Variants in GART observed in about 807,000 individuals in gnomAD.
GART encodes the protein trifunctional purine biosynthetic protein adenosine-3.
In GART, 43 loss-of-function variants were observed where a neutral mutation model predicts 107.2. That is an observed-to-expected ratio of 0.40 (90% CI 0.31 to 0.52). GART has a LOEUF of 0.52. GART is among the 20% of genes least tolerant of loss of function. The probability of loss-of-function intolerance (pLI) is 0.52; values close to 1 mark genes in which losing one functional copy is unlikely to be tolerated. For synonymous variants in GART, 434 were observed against 427.0 expected, an observed-to-expected ratio of 1.02 and a Z score of -0.20; for missense variants, 1,107 against 1,206.5, an observed-to-expected ratio of 0.92 and a Z score of 1.22.
chr21:33,531,644 G>C lies in GART; in HGVS notation c.529-87C>G. On this transcript the variant is annotated intron_variant, in intron 5 of 21. Coordinates refer to ENST00000381815, the MANE Select transcript of GART (RefSeq NM_000819.5). ...CTTAGTTGACTTTTAGCATTATCCAGCATTTGTATTATGAACCAGTGAGTA... is the reference window on the plus strand; with the variant it reads ...CTTAGTTGACTTTTAGCATTATCCACCATTTGTATTATGAACCAGTGAGTA... 2.5e-6 allele frequency: 3 copies of C among 1,221,352 alleles called. No homozygotes were observed. In the Admixed American group the frequency reaches 6.6e-5, roughly 27 times the overall value. The allele number at this position is 1,221,352 out of a possible 1,614,324, so 75.7% of individuals were successfully genotyped here. A position where few individuals can be genotyped will look rare whatever the true frequency, so the allele number is the denominator to read the frequency against.
intron 11 of GART, 41 bp downstream of exon 11, chr21:33,524,728 T>C: frequency 4.3e-6 from 7 of 1,613,140 alleles, no homozygotes; most frequent in Non-Finnish European, 5.1e-6. Flanking sequence ...TTTAGGCCAG[T>C]TTCTGAAATG....
chr21:33,534,476 C>G (rs1326837340), intron 4 of GART, 103 bp downstream of exon 4: 4 of 1,290,742 alleles, frequency 3.1e-6, no homozygotes, highest in Non-Finnish European at 3.3e-6. Context: ...CTTGGCCTCC[C>G]AAAGTGCTGG....
intron 16 of GART, among the ~76,000 whole-genome samples, chr21:33,512,748 C>T (rs1415001868): frequency 1.3e-5 from 1 of 76,658 alleles, no homozygotes; most frequent in Admixed American, 1.6e-4. Flanking sequence ...GACACCATGC[C>T]TGGCTATTTA....
At chr21:33,526,327 C>A (rs149833553) in intron 10 of GART, among the ~76,000 whole-genome samples, 1 of 152,046 alleles carries the variant, frequency 6.6e-6, no homozygotes, top group African/African-American at 2.4e-5. Flanking sequence ...TGCACCACCA[C>A]ATTTGGCTAA....
In GART at chr21:33,511,369, A is replaced by G. The variant is rs1476893639; in HGVS notation, c.2197T>C (p.Cys733Arg). 2 of 1,614,190 alleles carry G rather than the reference A, an allele frequency of 1.2e-6. No homozygotes were observed. Among genetic ancestry groups the G allele is most frequent in the Non-Finnish European group, 1.7e-6 (2 of 1,180,038 alleles). The change falls in exon 17 of 22, where the codon TGT becomes CGT. Residue 733 changes from cysteine (C) to arginine (R), a missense_variant. Physicochemically the swap from Cys to Arg is radical, Grantham distance 180 (BLOSUM62 -3). Transcript: ENST00000381815. ...SEEEMARTFN[C>R]GVGAVLVVSK... ...ACCACAAGGACAGCGCCAACCCCAC[A>G]GTTAAATGTTCTGGCCATCTCTTCC...
chr21:33,532,520 G>C (rs1376440830), intron 4 of GART, 64 bp from the exon 5 acceptor site: 2 of 1,222,860 alleles, frequency 1.6e-6, no homozygotes, highest in African/African-American at 3.0e-5. Context: ...TTAAAATGCT[G>C]TGGGATTTTG....
chr21:33,534,512 G>T, intron 4 of GART, 67 bp downstream of exon 4: 1 of 1,550,772 alleles, frequency 6.4e-7, no homozygotes, highest in Non-Finnish European at 8.8e-7. Context: ...ACTGTGCCTG[G>T]CCACTGACCT....
intron 11 of GART, chr21:33,524,420 CTGT>C: frequency 1.7e-6 from 1 of 579,272 alleles, no homozygotes; most frequent in Non-Finnish European, 2.2e-6. Context: ...GTGTGGTGGC[CTGT>C]GCCTGTAGTC....
At chr21:33,521,677 C>T (rs956973080) in intron 12 of GART, among the ~76,000 whole-genome samples, 2 of 145,912 alleles carry the variant, frequency 1.4e-5, no homozygotes, top group African/African-American at 2.5e-5. Flanking sequence ...ACTAAAGGAC[C>T]AGCCAGACAT....
In GART at chr21:33,517,158, G is replaced by A. The variant is rs1235156317; in HGVS notation, c.1955-17C>T. 8 of 1,590,570 alleles carry A rather than the reference G, an allele frequency of 5.0e-6. No homozygotes were observed. In the South Asian group the frequency reaches 9.3e-5, roughly 18 times the overall value. The stretch of plus-strand genomic sequence containing the variant: ...GTAAGTCCCCTGCATGTTGAAGAGA[G>A]AAGACAAAAACTTAGCCTATGAATA... On this transcript the variant is annotated splice_polypyrimidine_tract_variant and intron_variant, in intron 15 of 21. Coordinates refer to ENST00000381815, the MANE Select transcript of GART (RefSeq NM_000819.5).
At chr21:33,522,102 G>C in intron 12 of GART, 86 bp downstream of exon 12, 2 of 1,040,498 alleles carry the variant, frequency 1.9e-6, no homozygotes, top group South Asian at 1.4e-5. Flanking sequence ...CATTGCTTTG[G>C]AAAATATTCC....
chr21:33,529,047 C>A, intron 7 of GART, 110 bp from the exon 8 acceptor site: 1 of 623,982 alleles, frequency 1.6e-6, no homozygotes, highest in Non-Finnish European at 2.8e-6. Context: ...TTTTTACTAC[C>A]TGAAACATGC....
At chr21:33,537,308 T>C (rs947649096) in intron 2 of GART, among the ~76,000 whole-genome samples, 2 of 152,236 alleles carry the variant, frequency 1.3e-5, no homozygotes, top group African/African-American at 4.8e-5. Context: ...TTTGTATTAT[T>C]CCTTTTGGTC....
chr21:33,531,704 A>T lies in GART; in HGVS notation c.529-147T>A, dbSNP rs142959143. 1.8e-3 allele frequency: 1,182 copies of T among 667,610 alleles called. 14 individuals carry two copies. In the African/African-American group the frequency reaches 0.018, roughly 10 times the overall value. 41.4% of individuals were successfully genotyped at this position (667,610 alleles called of 1,614,324 possible). ...TTCTTTCCCTTTCAGAAAGACTCAAAGGGAACATATAAATGTTTCCTATTT... is the reference window on the plus strand; with the variant it reads ...TTCTTTCCCTTTCAGAAAGACTCAATGGGAACATATAAATGTTTCCTATTT... On this transcript the variant is annotated intron_variant, in intron 5 of 21. Coordinates refer to ENST00000381815, the MANE Select transcript of GART (RefSeq NM_000819.5).
intron 2 of GART, among the ~76,000 whole-genome samples, chr21:33,537,907 T>A (rs1186628932): frequency 2.6e-5 from 4 of 152,124 alleles, no homozygotes; most frequent in African/African-American, 9.7e-5. Context: ...AAGCTTAATG[T>A]AGTATATGAA....
At position 33,504,377 on chromosome 21, in the gene GART, A is replaced by G. The variant is rs753587016; in HGVS notation, c.2841+35T>C. The G allele has an allele frequency of 1.9e-6, 3 of 1,608,484 alleles. No homozygotes were observed. In the South Asian group the frequency reaches 3.3e-5, roughly 18 times the overall value. ...TAGCCAGTGTCATTTACATCTGACT[A>G]CTAATATTATGTTGGTAGAAAAAGA... On this transcript the variant is annotated intron_variant, in intron 21 of 21. Coordinates refer to ENST00000381815, the MANE Select transcript of GART (RefSeq NM_000819.5).
upstream of GART, chr21:33,542,759 C>A: frequency 3.0e-6 from 1 of 334,342 alleles, no homozygotes; most frequent in East Asian, 6.0e-5. Flanking sequence ...CCTGTTAAGG[C>A]TCCCAAACAC....
intron 1 of GART, 79 bp from the exon 2 acceptor site, chr21:33,539,435 G>T (rs2085367352): frequency 1.9e-6 from 2 of 1,079,746 alleles, no homozygotes. Context: ...GCTCATGCCT[G>T]TACCCCCAGC....
rs371999971 is a variant in GART, at chr21:33,531,466, G to C, written c.597+23C>G. 4 of 1,605,922 alleles carry C rather than the reference G, an allele frequency of 2.5e-6. No homozygotes were observed. In the South Asian group the frequency reaches 4.5e-5, roughly 18 times the overall value. On this transcript the variant is annotated intron_variant, in intron 6 of 21. Coordinates refer to ENST00000381815, the MANE Select transcript of GART (RefSeq NM_000819.5). ...TGACAGCTTCTTATACACTACAAAA[G>C]CCAAAAAGATGAATATACATACCGA...
Sources: allele counts gnomAD v4.1 joint callset (sites outside exome capture counted in the v4.1 genomes callset), GRCh38; gene constraint gnomAD v4.1.1; transcripts MANE v1.5; gene names NCBI Gene and HGNC (gene_info 2026-07-23, HGNC 2026-07-21).